The following AFAP1 variants were observed in gnomAD, a reference collection of about 807,000 sequenced individuals.
The protein encoded by AFAP1 is actin filament-associated protein 1.
In AFAP1, 75 loss-of-function variants were observed where a neutral mutation model predicts 93.9. The observed-to-expected ratio is 0.80, with a 90% CI of 0.66 to 0.97. The LOEUF (loss-of-function observed/expected upper bound fraction) is 0.97. AFAP1 is among the 50% of genes least tolerant of loss of function. AFAP1 has a pLI of 0.00. For missense variants in AFAP1, 1,201 were observed against 1,050.8 expected (o/e 1.14, Z -1.98); for synonymous variants, 517 against 430.7 (o/e 1.20, Z -2.48).
At chr4:7,912,099 T>C (rs893110237) in intron 1 of AFAP1, among the ~76,000 whole-genome samples, 3 of 152,232 alleles carry the variant, frequency 2.0e-5, no homozygotes, top group Non-Finnish European at 4.4e-5. Flanking sequence ...TTATGCATGA[T>C]GGTGGTTTCT....
intron 8 of AFAP1, among the ~76,000 whole-genome samples, chr4:7,810,197 C>A (rs930472539): frequency 1.3e-5 from 2 of 152,194 alleles, no homozygotes; most frequent in South Asian, 2.1e-4. Flanking sequence ...GCACTTGCTA[C>A]GTGCTGGCTG....
chr4:7,907,955 T>G (rs112270760), intron 1 of AFAP1, among the ~76,000 whole-genome samples: 12 of 152,272 alleles, frequency 7.9e-5, no homozygotes, highest in Middle Eastern at 3.4e-3. Context: ...TACACGCCTA[T>G]AATCCCAGAA....
chr4:7,820,787 C>G (rs1437456947), intron 6 of AFAP1, among the ~76,000 whole-genome samples: 1 of 152,126 alleles, frequency 6.6e-6, no homozygotes, highest in Non-Finnish European at 1.5e-5. Context: ...GAGAGGCTAG[C>G]ACATCCTGTC....
chr4:7,932,472 C>G (rs1228405697), intron 1 of AFAP1, among the ~76,000 whole-genome samples: 2 of 152,150 alleles, frequency 1.3e-5, no homozygotes, highest in Admixed American at 6.5e-5. Context: ...TAGAAATGGA[C>G]CTGGAATCAT....
At chr4:7,781,669 G>T in intron 12 of AFAP1, 42 bp from the exon 13 acceptor site, 1 of 1,545,290 alleles carries the variant, frequency 6.5e-7, no homozygotes, top group Non-Finnish European at 8.8e-7. Flanking sequence ...TTGGACACAG[G>T]AAACAGCAGC....
At chr4:7,770,554 C>G (rs1715290454) in intron 16 of AFAP1, among the ~76,000 whole-genome samples, 1 of 152,136 alleles carries the variant, frequency 6.6e-6, no homozygotes, top group Non-Finnish European at 1.5e-5. Flanking sequence ...GGGACAGTCA[C>G]CAGGGGGAGC....
At chr4:7,798,735 C>T (rs558298469) in intron 10 of AFAP1, among the ~76,000 whole-genome samples, 2 of 152,282 alleles carry the variant, frequency 1.3e-5, no homozygotes, top group East Asian at 3.9e-4. Flanking sequence ...AATGCTACCA[C>T]TTTCTCTCCA....
At chr4:7,822,310 G>T (rs1202168519) in intron 6 of AFAP1, among the ~76,000 whole-genome samples, 2 of 152,026 alleles carry the variant, frequency 1.3e-5, no homozygotes, top group Non-Finnish European at 2.9e-5. Flanking sequence ...ATACCTCAGG[G>T]GGTCATTGTG....
chr4:7,922,437 G>A (rs1720488755), intron 1 of AFAP1, among the ~76,000 whole-genome samples: 1 of 152,222 alleles, frequency 6.6e-6, no homozygotes, highest in Non-Finnish European at 1.5e-5. Flanking sequence ...GGATGGAGAA[G>A]ATTTAAGGAG....
chr4:7,884,636 G>T (rs1718040493), intron 1 of AFAP1, among the ~76,000 whole-genome samples: 1 of 151,960 alleles, frequency 6.6e-6, no homozygotes, highest in Non-Finnish European at 1.5e-5. Context: ...AACTATTTGG[G>T]AAAAAGAAAA....
chr4:7,796,645 G>A (rs1374654575), intron 10 of AFAP1, among the ~76,000 whole-genome samples: 3 of 151,858 alleles, frequency 2.0e-5, no homozygotes, highest in Admixed American at 1.3e-4. Context: ...CAGCTACTCA[G>A]GAGGCTGAAG....
chr4:7,782,242 C>T (rs200571960), intron 12 of AFAP1, among the ~76,000 whole-genome samples: 3 of 152,246 alleles, frequency 2.0e-5, no homozygotes, highest in Admixed American at 1.3e-4. Context: ...GGGAAGGGCG[C>T]GCTCATCCCC....
intron 1 of AFAP1, among the ~76,000 whole-genome samples, chr4:7,936,465 C>T (rs188711757): frequency 2.6e-5 from 4 of 151,920 alleles, no homozygotes; most frequent in Admixed American, 2.6e-4. Flanking sequence ...GCTGGCATTA[C>T]AGGTGTAAAC....
chr4:7,813,460 A>T (rs894916029), intron 8 of AFAP1, among the ~76,000 whole-genome samples: 1 of 152,232 alleles, frequency 6.6e-6, no homozygotes, highest in Non-Finnish European at 1.5e-5. Flanking sequence ...AAATACAGAT[A>T]TATTTGCTTA....
chr4:7,905,650 T>C lies in AFAP1; in HGVS notation c.-2-33570A>G, dbSNP rs577036777. ...TGGCTCTGTTGGCCTTTCTCTCATTTAGGCCATGAGCACTGACTGCATGTC... is the reference window on the plus strand; with the variant it reads ...TGGCTCTGTTGGCCTTTCTCTCATTCAGGCCATGAGCACTGACTGCATGTC... On this transcript the variant is annotated intron_variant, in intron 1 of 17. Coordinates refer to ENST00000420658, the MANE Select transcript of AFAP1 (RefSeq NM_001134647.2). Among the ~76,000 whole-genome samples the C allele has an allele frequency of 5.3e-5, 8 of 152,360 alleles. No individual in the cohort carries two copies. In the South Asian group the frequency reaches 1.7e-3, roughly 32 times the overall value.
intron 3 of AFAP1, among the ~76,000 whole-genome samples, chr4:7,858,407 C>G (rs1392412165): frequency 6.6e-6 from 1 of 152,172 alleles, no homozygotes; most frequent in African/African-American, 2.4e-5. Context: ...TCACTCCACT[C>G]TCAAATACCA....
At chr4:7,878,108 A>G (rs1444002114) in intron 1 of AFAP1, among the ~76,000 whole-genome samples, 1 of 152,236 alleles carries the variant, frequency 6.6e-6, no homozygotes, top group African/African-American at 2.4e-5. Context: ...CCAATTCTCC[A>G]TTTTAAACTT....
rs1426570115 is a variant in AFAP1 at position 7,759,890 on chromosome 4, A to G, written c.*3875T>C. 1 of 152,284 alleles carries G rather than the reference A, an allele frequency of 6.6e-6. No individual in the cohort carries two copies. The highest frequency in any genetic ancestry group is 2.4e-5 in the African/African-American group (1 of 41,472). The allele number at this position is 152,284 out of a possible 1,614,324, so 9.4% of individuals were successfully genotyped here. A position where few individuals can be genotyped will look rare whatever the true frequency, so the allele number is the denominator to read the frequency against. On this transcript the variant is annotated 3_prime_UTR_variant, in exon 18 of 18. Transcript: ENST00000420658. ...GGATGGCAGTCGCCGGCCACACTGC[A>G]GGCTGCCCATCCTTGGATGGTGTCT... is the stretch of plus-strand genomic sequence containing the variant.
At chr4:7,897,230 C>G (rs990894358) in intron 1 of AFAP1, among the ~76,000 whole-genome samples, 1 of 152,152 alleles carries the variant, frequency 6.6e-6, no homozygotes, top group South Asian at 2.1e-4. Context: ...TTCAAGGAAG[C>G]TGTTGATGAT....
Sources: gnomAD v4.1 joint callset for allele counts (sites outside exome capture counted in the v4.1 genomes callset) on GRCh38, gnomAD v4.1.1 for gene constraint, MANE v1.5 for transcripts, NCBI Gene and HGNC (gene_info 2026-07-23, HGNC 2026-07-21) for gene names.